The following RBFOX1 variants were observed in gnomAD, a reference collection of about 807,000 sequenced individuals.
The protein encoded by RBFOX1 is RNA binding protein fox-1 homolog 1.
RBFOX1 carries 8 observed loss-of-function variants against 57.7 expected under a neutral mutation model. The observed-to-expected ratio is 0.14, with a 90% CI of 0.08 to 0.25. The LOEUF is 0.25. Ranked by LOEUF, RBFOX1 falls within the 10% of genes least tolerant of loss-of-function variation. The pLI, the probability that RBFOX1 is intolerant of heterozygous loss-of-function variation, is 1.00. For synonymous variants in RBFOX1, 326 were observed against 222.4 expected, an observed-to-expected ratio of 1.47 and a Z score of -4.15; for missense variants, 611 against 548.5, an observed-to-expected ratio of 1.11 and a Z score of -1.14.
rs372059971 is a variant in RBFOX1 at position 7,602,287 on chromosome 16, G to C, written c.622+4856G>C. On this transcript the variant is annotated intron_variant, in intron 9 of 15. Transcript: ENST00000550418. Reference sequence around the variant, plus strand: ...TGCAAATTCAGATGTGGCCCCTTGAGTCCTGGCCACGGAGGGGTCTAAACT... The same window carrying C: ...TGCAAATTCAGATGTGGCCCCTTGACTCCTGGCCACGGAGGGGTCTAAACT... Among the ~76,000 whole-genome samples, 4 of 152,252 alleles carry C rather than the reference G, an allele frequency of 2.6e-5. No homozygotes were observed. In the East Asian group the frequency reaches 7.7e-4, roughly 29 times the overall value.
At chr16:6,009,726 A>G (rs2094948931) in intron 4 of RBFOX1, among the ~76,000 whole-genome samples, 1 of 151,810 alleles carries the variant, frequency 6.6e-6, no homozygotes, top group South Asian at 2.1e-4. Flanking sequence ...TCCACAAGTT[A>G]TTCTGTTGTT....
intron 2 of RBFOX1, among the ~76,000 whole-genome samples, chr16:6,469,956 A>G (rs1308516751): frequency 6.6e-6 from 1 of 152,186 alleles, no homozygotes; most frequent in East Asian, 1.9e-4. Flanking sequence ...GGTGATAAAG[A>G]GTTTATGATG....
chr16:5,708,909 G>C lies in RBFOX1; in HGVS notation c.318+109948G>C, dbSNP rs115094194. Among the ~76,000 whole-genome samples, 875 of 152,270 alleles carry C rather than the reference G, an allele frequency of 5.7e-3. 4 individuals are homozygous for C. The highest frequency in any genetic ancestry group is 0.02 in the African/African-American group (846 of 41,552). ...AATTGTCATAGAAGAGGAAAGACGA[G>C]AGTGAGAGCAAGAAGAGGAATGAAA... On this transcript the variant is annotated intron_variant, in intron 3 of 19. Coordinates refer to the RBFOX1 transcript ENST00000641259.
intron 2 of RBFOX1, among the ~76,000 whole-genome samples, chr16:6,504,046 T>C (rs1463691441): frequency 6.6e-6 from 1 of 152,234 alleles, no homozygotes; most frequent in Non-Finnish European, 1.5e-5. Context: ...CTTTTATTGT[T>C]TCAGCACCAC....
intron 3 of RBFOX1, among the ~76,000 whole-genome samples, chr16:6,931,621 T>A (rs1447509245): frequency 6.6e-6 from 1 of 152,130 alleles, no homozygotes; most frequent in African/African-American, 2.4e-5. Context: ...CCACAATGCT[T>A]TGTCTTTGCC....
In RBFOX1 at chr16:7,228,120, G is replaced by T. The variant is rs148715820; in HGVS notation, c.27+176022G>T. ...TTAAGAATCACTATCTTACAGGAAG[G>T]TGGCAAAGATGAGAGTATCAGACTG... On this transcript the variant is annotated intron_variant, in intron 4 of 15. Coordinates refer to ENST00000550418, the MANE Select transcript of RBFOX1 (RefSeq NM_018723.4). Among the ~76,000 whole-genome samples, 641 of 152,228 alleles carry T rather than the reference G, an allele frequency of 4.2e-3. 3 individuals carry two copies. Among genetic ancestry groups the T allele is most frequent in the Non-Finnish European group, 7.1e-3 (485 of 68,022 alleles).
chr16:6,852,057 C>G (rs983410247), intron 3 of RBFOX1, among the ~76,000 whole-genome samples: 2 of 151,690 alleles, frequency 1.3e-5, no homozygotes, highest in Admixed American at 6.6e-5. Flanking sequence ...TCTTGAGTAG[C>G]TGAGACTACA....
At chr16:6,053,787 C>T (rs1567341944) in intron 1 of RBFOX1, among the ~76,000 whole-genome samples, 2 of 152,138 alleles carry the variant, frequency 1.3e-5, no homozygotes, top group South Asian at 2.1e-4. Flanking sequence ...GCACAGTGGC[C>T]TGCCCCATAC....
chr16:7,263,629 G>A (rs2095012239), intron 4 of RBFOX1, among the ~76,000 whole-genome samples: 1 of 152,086 alleles, frequency 6.6e-6, no homozygotes, highest in Admixed American at 6.5e-5. Context: ...TGGGAACGGT[G>A]GCTCACACCT....
At chr16:7,533,225 C>T (rs1378411249) in intron 5 of RBFOX1, among the ~76,000 whole-genome samples, 1 of 152,206 alleles carries the variant, frequency 6.6e-6, no homozygotes, top group Non-Finnish European at 1.5e-5. Flanking sequence ...GTATTTCTTA[C>T]TGGACTGATG....
intron 2 of RBFOX1, among the ~76,000 whole-genome samples, chr16:6,383,725 G>A (rs537134998): frequency 9.9e-5 from 15 of 151,692 alleles, no homozygotes; most frequent in African/African-American, 3.1e-4. Flanking sequence ...AGCCAACATC[G>A]CACCACTGCA....
intron 2 of RBFOX1, among the ~76,000 whole-genome samples, chr16:6,521,703 C>G (rs896196861): frequency 5.3e-5 from 8 of 151,848 alleles, no homozygotes; most frequent in Non-Finnish European, 1.2e-4. Flanking sequence ...AGCCAGAAAA[C>G]AACAACAAGA....
chr16:6,756,098 T>C (rs2075744768), intron 3 of RBFOX1, among the ~76,000 whole-genome samples: 1 of 152,188 alleles, frequency 6.6e-6, no homozygotes, highest in South Asian at 2.1e-4. Context: ...GCAAGTTTTA[T>C]TTGGTCATTC....
intron 1 of RBFOX1, among the ~76,000 whole-genome samples, chr16:6,228,250 G>A (rs568161233): frequency 6.6e-6 from 1 of 152,160 alleles, no homozygotes; most frequent in Non-Finnish European, 1.5e-5. Flanking sequence ...TTGAACCTGG[G>A]AGGCAGAGGT....
rs1323757737 is a variant in RBFOX1 at position 7,396,800 on chromosome 16, G to A, written c.28-121347G>A. Among the ~76,000 whole-genome samples the A allele has an allele frequency of 3.3e-5, 5 of 152,132 alleles. No homozygotes were observed. In the South Asian group the frequency reaches 6.2e-4, roughly 19 times the overall value. ...ACTAAAAATACAATCAATTAGCCAG[G>A]TTTGGTGGTGTGCTCCTGTAATCCC... On this transcript the variant is annotated intron_variant, in intron 4 of 15. Transcript: ENST00000550418.
chr16:5,763,271 C>G (rs1207248885), intron 3 of RBFOX1, among the ~76,000 whole-genome samples: 1 of 152,190 alleles, frequency 6.6e-6, no homozygotes, highest in Non-Finnish European at 1.5e-5. Flanking sequence ...TTGGCCTGGA[C>G]CCTCCTTAGG....
intron 1 of RBFOX1, among the ~76,000 whole-genome samples, chr16:6,296,905 G>A (rs979602421): frequency 2.6e-5 from 4 of 152,180 alleles, no homozygotes; most frequent in African/African-American, 4.8e-5. Context: ...TAAAGTGAAA[G>A]CCTGTTTATT....
At chr16:6,228,376 T>C (rs1159885348) in intron 1 of RBFOX1, among the ~76,000 whole-genome samples, 1 of 151,436 alleles carries the variant, frequency 6.6e-6, no homozygotes, top group Non-Finnish European at 1.5e-5. Context: ...GGAAACAACC[T>C]AAGTGTCCCT....
chr16:6,152,322 CTCTG>C (rs1213797281), intron 1 of RBFOX1, among the ~76,000 whole-genome samples: 1 of 152,204 alleles, frequency 6.6e-6, no homozygotes, highest in Non-Finnish European at 1.5e-5. Flanking sequence ...TTCTCCTGCT[CTCTG>C]TCTTTCTCTC....
Sources: allele counts gnomAD v4.1 joint callset (sites outside exome capture counted in the v4.1 genomes callset), GRCh38; gene constraint gnomAD v4.1.1; transcripts MANE v1.5; gene names NCBI Gene and HGNC (gene_info 2026-07-23, HGNC 2026-07-21).